Variants in RRP1B observed in about 807,000 individuals in gnomAD.
The protein encoded by RRP1B is ribosomal RNA processing protein 1 homolog B.
A neutral mutation model predicts 80.2 loss-of-function variants in RRP1B; 56 were observed. The ratio of observed to expected loss-of-function variants is 0.70; its 90% confidence interval spans 0.56 to 0.87. The LOEUF is 0.87. RRP1B is among the 40% of genes least tolerant of loss of function. The pLI is 0.00. For missense variants in RRP1B, 807 were observed against 939.8 expected, an observed-to-expected ratio of 0.86 and a Z score of 1.85; for synonymous variants, 351 against 357.6, an observed-to-expected ratio of 0.98 and a Z score of 0.21.
At chr21:43,678,262 C>T (rs1236233225) in intron 8 of RRP1B, among the ~76,000 whole-genome samples, 1 of 152,164 alleles carries the variant, frequency 6.6e-6, no homozygotes, top group Non-Finnish European at 1.5e-5. Flanking sequence ...CAGGTTCAAG[C>T]AATTCTCTTG....
In RRP1B at chr21:43,687,754, C is replaced by T. The variant is rs143871484; in HGVS notation, c.1380C>T (p.Ser460=). The T allele has an allele frequency of 1.4e-4, 228 of 1,613,184 alleles. No homozygotes were observed. Among genetic ancestry groups the T allele is most frequent in the Admixed American group, 4.7e-4 (28 of 60,024 alleles). Residue 460 remains serine (S), a synonymous_variant, in exon 13 of 16, where the codon TCC becomes TCT. Coordinates refer to ENST00000340648, the MANE Select transcript of RRP1B (RefSeq NM_015056.3). ...ATSSTGEESG[S]EHPPAVPMHN... ...CCAGCACTGGGGAGGAGAGTGGCTCCGAGCATCCTCCAGCCGTCCCCATGC... is the reference window on the plus strand; with the variant it reads ...CCAGCACTGGGGAGGAGAGTGGCTCTGAGCATCCTCCAGCCGTCCCCATGC...
intron 10 of RRP1B, 55 bp from the exon 11 acceptor site, chr21:43,685,711 ATTTC>A (rs1438093551): frequency 7.9e-7 from 1 of 1,264,774 alleles, no homozygotes; most frequent in Non-Finnish European, 1.1e-6. Flanking sequence ...GACAGAAGGG[ATTTC>A]TTTATGAACA....
At chr21:43,682,722 C>T (rs541793769) in intron 8 of RRP1B, among the ~76,000 whole-genome samples, 2 of 152,336 alleles carry the variant, frequency 1.3e-5, no homozygotes, top group East Asian at 3.9e-4. Context: ...AGGAAATCAT[C>T]GAAGGCAGCA....
intron 1 of RRP1B, among the ~76,000 whole-genome samples, chr21:43,662,904 G>A (rs2082963535): frequency 6.6e-6 from 1 of 152,200 alleles, no homozygotes; most frequent in Non-Finnish European, 1.5e-5. Flanking sequence ...TGACTAAAAT[G>A]GGGAGGCATC....
At chr21:43,684,272 C>T (rs1320820891) in intron 9 of RRP1B, among the ~76,000 whole-genome samples, 1 of 151,814 alleles carries the variant, frequency 6.6e-6, no homozygotes, top group East Asian at 2.0e-4. Context: ...GGGGTTTTGC[C>T]GTGTTAGCCA....
chr21:43,664,363 C>T (rs1040646188), intron 1 of RRP1B, among the ~76,000 whole-genome samples: 1 of 149,894 alleles, frequency 6.7e-6, no homozygotes, highest in African/African-American at 2.4e-5. Context: ...AAAAAGGGAA[C>T]AAAATGTAAA....
At chr21:43,671,730 C>T (rs1188357315) in intron 2 of RRP1B, among the ~76,000 whole-genome samples, 1 of 151,874 alleles carries the variant, frequency 6.6e-6, no homozygotes, top group African/African-American at 2.4e-5. Flanking sequence ...AGCTCTGTCA[C>T]CCAGGCTGGA....
intron 1 of RRP1B, among the ~76,000 whole-genome samples, chr21:43,667,535 G>C (rs1332880051): frequency 1.3e-5 from 2 of 152,190 alleles, no homozygotes; most frequent in African/African-American, 4.8e-5. Flanking sequence ...CTGAGCTCAA[G>C]TGAGCCGCCA....
In RRP1B at chr21:43,660,418, C is replaced by T. The variant is rs1251066848; in HGVS notation, c.130+624C>T. On this transcript the variant is annotated intron_variant, in intron 1 of 15. Transcript: ENST00000340648. ...GGCTCTACTAAAAATACAGAATTAG[C>T]CGGGCATGGTGGCGCATGCCTGTAA... is the stretch of plus-strand genomic sequence containing the variant. 2.6e-5 allele frequency among the ~76,000 whole-genome samples: 4 copies of T among 152,198 alleles called. No individual in the cohort carries two copies. In the South Asian group the frequency reaches 8.3e-4, roughly 32 times the overall value.
At chr21:43,688,263 C>G (rs1443592294) in intron 13 of RRP1B, 23 bp downstream of exon 13, 1 of 1,504,962 alleles carries the variant, frequency 6.6e-7, no homozygotes, top group Admixed American at 2.2e-5. Context: ...CACCCACAGG[C>G]CAGCTCGCCA....
rs1555879173 is a variant in RRP1B, at chr21:43,674,612, TA to T, written c.358-21del. On this transcript the variant is annotated intron_variant, in intron 4 of 15. Transcript: ENST00000340648. ...TTTTTTTTTTTTTTTTTTTTTTTTT[TA>T]AACAAAAATTGCCTTTCTTTAGCTG... 8.3e-6 allele frequency: 11 copies of T among 1,327,516 alleles called. No individual in the cohort carries two copies. In the African/African-American group the frequency reaches 1.8e-4, roughly 21 times the overall value. The allele number at this position is 1,327,516 out of a possible 1,614,324, so 82.2% of individuals were successfully genotyped here. A position where few individuals can be genotyped will look rare whatever the true frequency, so the allele number is the denominator to read the frequency against.
At chr21:43,684,527 T>A (rs770811701) in intron 9 of RRP1B, 26 bp from the exon 10 acceptor site, 38 of 1,600,150 alleles carry the variant, frequency 2.4e-5, no homozygotes, top group African/African-American at 4.0e-5. Flanking sequence ...GCTGCAGACT[T>A]ATGTTTAGTT....
intron 11 of RRP1B, chr21:43,686,597 G>C: frequency 1.9e-6 from 1 of 539,292 alleles, no homozygotes. Context: ...CCGAGGGCTT[G>C]TGATCCCTTG....
At chr21:43,677,579 C>T (rs564797532) in intron 8 of RRP1B, among the ~76,000 whole-genome samples, 15 of 152,086 alleles carry the variant, frequency 9.9e-5, no homozygotes, top group Non-Finnish European at 2.1e-4. Context: ...AAACTAAGGA[C>T]CAAAGGAAAT....
intron 3 of RRP1B, among the ~76,000 whole-genome samples, chr21:43,673,500 G>A (rs2083008242): frequency 1.3e-5 from 2 of 151,926 alleles, no homozygotes; most frequent in Non-Finnish European, 2.9e-5. Context: ...CGGGTGTGGT[G>A]GTGCACACCT....
chr21:43,683,338 T>C lies in RRP1B; in HGVS notation c.856T>C (p.Cys286Arg), dbSNP rs2083050811. ...GLSDERGRDD[C>R]GTFEDTGPLL... is the part of the protein sequence containing the mutation. ...CAGTGATGAAAGAGGAAGAGATGAC[T>C]GTGGAACCTTTGAGGACACAGGGCC... Residue 286 changes from cysteine (C) to arginine (R), a missense_variant, in exon 9 of 16, where the codon TGT becomes CGT. Physicochemically the swap from Cys to Arg is radical, Grantham distance 180 (BLOSUM62 -3). Coordinates refer to ENST00000340648, the MANE Select transcript of RRP1B (RefSeq NM_015056.3). 1 of 1,614,200 alleles carries C rather than the reference T, an allele frequency of 6.2e-7. No homozygotes were observed. Among genetic ancestry groups the C allele is most frequent in the African/African-American group, 1.3e-5 (1 of 75,060 alleles).
chr21:43,672,352 C>A lies in RRP1B; in HGVS notation c.258C>A (p.Asn86Lys). 4 of 1,614,048 alleles carry A rather than the reference C, an allele frequency of 2.5e-6. No individual in the cohort carries two copies. Among genetic ancestry groups the A allele is most frequent in the Non-Finnish European group, 1.7e-6 (2 of 1,179,924 alleles). The change falls in exon 3 of 16, where the codon AAC becomes AAA. Residue 86 changes from asparagine (N) to lysine (K), a missense_variant. Coordinates refer to ENST00000340648, the MANE Select transcript of RRP1B (RefSeq NM_015056.3). ...NTIAQLVHAV[N>K]NSAAQHLFIQ... ...TTGCACAGCTAGTCCATGCTGTTAACAACTCAGCGGCTCGTAAGTCCTGTT... is the reference window on the plus strand; with the variant it reads ...TTGCACAGCTAGTCCATGCTGTTAAAAACTCAGCGGCTCGTAAGTCCTGTT...
chr21:43,674,067 T>C (rs2083011185), intron 4 of RRP1B, 112 bp downstream of exon 4: 1 of 767,300 alleles, frequency 1.3e-6, no homozygotes, highest in Admixed American at 2.8e-5. Context: ...AGGCTTAGTG[T>C]GAAGGAAGAA....
At chr21:43,674,613 A>G (rs201634332) in intron 4 of RRP1B, 23 bp from the exon 5 acceptor site, 1 of 490,148 alleles carries the variant, frequency 2.0e-6, no homozygotes, top group Non-Finnish European at 2.7e-6. Context: ...TTTTTTTTTT[A>G]AACAAAAATT....
Sources: allele counts gnomAD v4.1 joint callset (sites outside exome capture counted in the v4.1 genomes callset), GRCh38; gene constraint gnomAD v4.1.1; transcripts MANE v1.5; gene names NCBI Gene and HGNC (gene_info 2026-07-23, HGNC 2026-07-21).